IKBKB: variants seen among roughly 807,000 people sequenced by gnomAD.
The protein encoded by IKBKB is inhibitor of nuclear factor kappa-B kinase subunit beta.
IKBKB carries 42 observed loss-of-function variants against 113.6 expected under a neutral mutation model. That is an observed-to-expected ratio of 0.37 (90% CI 0.29 to 0.48). The LOEUF is 0.48. IKBKB is among the 20% of genes least tolerant of loss of function. The pLI is 0.99. For synonymous variants in IKBKB, 296 were observed against 361.3 expected, an observed-to-expected ratio of 0.82 and a Z score of 2.05; for missense variants, 673 against 939.7, an observed-to-expected ratio of 0.72 and a Z score of 3.71.
intron 8 of IKBKB, among the ~76,000 whole-genome samples, chr8:42,312,523 G>A (rs966806830): frequency 1.3e-5 from 2 of 152,198 alleles, no homozygotes; most frequent in Non-Finnish European, 2.9e-5. Context: ...CAGGTAAATA[G>A]TAATTTCCAG....
chr8:42,302,190 A>C (rs948428909), intron 5 of IKBKB, among the ~76,000 whole-genome samples: 1 of 152,164 alleles, frequency 6.6e-6, no homozygotes, highest in Non-Finnish European at 1.5e-5. Context: ...TACTTCATTT[A>C]ATTTATTATG....
intron 11 of IKBKB, chr8:42,317,310 T>C (rs1818887968): frequency 1.2e-5 from 5 of 424,640 alleles, no homozygotes; most frequent in East Asian, 5.0e-5. Context: ...GTGTTAACTA[T>C]AGCTGTGTAA....
At chr8:42,271,810 C>G (rs976445024) in intron 1 of IKBKB, 5 of 527,602 alleles carry the variant, frequency 9.5e-6, no homozygotes, top group Non-Finnish European at 1.7e-5. Context: ...TGGGGATCCC[C>G]TCGCTAGGGC....
chr8:42,280,708 G>A (rs1387526408), intron 2 of IKBKB, among the ~76,000 whole-genome samples: 1 of 152,222 alleles, frequency 6.6e-6, no homozygotes, highest in Non-Finnish European at 1.5e-5. Context: ...ACTTGGCTGT[G>A]AGGAGGGCCA....
At chr8:42,272,334 G>A (rs1460933887) in intron 2 of IKBKB, 129 bp downstream of exon 2, 1 of 1,264,846 alleles carries the variant, frequency 7.9e-7, no homozygotes, top group Admixed American at 2.0e-5. Flanking sequence ...GTGAATAGGG[G>A]GACTGGGAAG....
intron 12 of IKBKB, among the ~76,000 whole-genome samples, chr8:42,318,349 A>G (rs975778206): frequency 6.6e-6 from 1 of 152,208 alleles, no homozygotes; most frequent in African/African-American, 2.4e-5. Flanking sequence ...TCAAATCAAC[A>G]GCTACTTATT....
chr8:42,278,625 G>A (rs973650751), intron 2 of IKBKB, among the ~76,000 whole-genome samples: 3 of 152,294 alleles, frequency 2.0e-5, no homozygotes, highest in Admixed American at 6.5e-5. Context: ...CACTGGCTCC[G>A]TCCCAGTGAT....
chr8:42,296,206 T>A (rs1389085819), intron 5 of IKBKB, among the ~76,000 whole-genome samples: 1 of 152,232 alleles, frequency 6.6e-6, no homozygotes, highest in Non-Finnish European at 1.5e-5. Flanking sequence ...TAAATATTTG[T>A]CAAATGAGAG....
In IKBKB at chr8:42,331,105, C is replaced by T; in HGVS notation, c.*126C>T. The T allele has an allele frequency of 7.0e-7, 1 of 1,433,406 alleles. No individual in the cohort carries two copies. The highest frequency in any genetic ancestry group is 1.2e-5 in the South Asian group (1 of 83,608). 88.8% of individuals were successfully genotyped at this position (1,433,406 alleles called of 1,614,324 possible). A position where few individuals can be genotyped will look rare whatever the true frequency, so the allele number is the denominator to read the frequency against. ...GTGACGTGGGGCTGCCTGGCCGCGG[C>T]TCTCACATGGTGGTTCCTGCTGCAC... On this transcript the variant is annotated 3_prime_UTR_variant, in exon 22 of 22. Coordinates refer to ENST00000520810, the MANE Select transcript of IKBKB (RefSeq NM_001556.3).
chr8:42,273,414 C>G (rs1031807804), intron 2 of IKBKB, among the ~76,000 whole-genome samples: 1 of 128,048 alleles, frequency 7.8e-6, no homozygotes, highest in East Asian at 2.0e-4. Context: ...GACCCTGTCT[C>G]AAAAAATATA....
chr8:42,291,187 A>AT (rs896821881), intron 4 of IKBKB, among the ~76,000 whole-genome samples: 18 of 148,956 alleles, frequency 1.2e-4, no homozygotes, highest in South Asian at 6.4e-4. Context: ...GAACAAAATA[A>AT]TTTTTTTTTT....
At chr8:42,296,988 G>A (rs1814000381) in intron 5 of IKBKB, among the ~76,000 whole-genome samples, 1 of 152,070 alleles carries the variant, frequency 6.6e-6, no homozygotes, top group African/African-American at 2.4e-5. Context: ...TTTGATTTTT[G>A]GCCTCTCCTT....
chr8:42,293,331 A>C (rs1400678600), intron 4 of IKBKB, 112 bp from the exon 5 acceptor site: 2 of 1,348,422 alleles, frequency 1.5e-6, no homozygotes, highest in East Asian at 4.6e-5. Flanking sequence ...GGTCCCCTAA[A>C]GACCAGGGCC....
At chr8:42,314,451 C>T (rs778604169) in intron 9 of IKBKB, 22 bp downstream of exon 9, 55 of 1,382,356 alleles carry the variant, frequency 4.0e-5, no homozygotes, top group East Asian at 6.9e-5. Flanking sequence ...CGGCATTACA[C>T]GAATACATAT....
intron 5 of IKBKB, among the ~76,000 whole-genome samples, chr8:42,301,572 T>C (rs1258269246): frequency 6.6e-6 from 1 of 152,244 alleles, no homozygotes; most frequent in Non-Finnish European, 1.5e-5. Context: ...AAACTATGTG[T>C]AACAATACCT....
intron 2 of IKBKB, among the ~76,000 whole-genome samples, chr8:42,275,858 T>C (rs978726637): frequency 2.0e-5 from 3 of 152,158 alleles, no homozygotes; most frequent in African/African-American, 7.2e-5. Context: ...TCTTTTTTTT[T>C]TGAGACGGAG....
At position 42,320,798 on chromosome 8, in the gene IKBKB, C is replaced by G. The variant is rs752311881; in HGVS notation, c.1642C>G (p.Gln548Glu). 2.5e-6 allele frequency: 4 copies of G among 1,608,716 alleles called. No individual in the cohort carries two copies. ...TCTGCAGACCGACATTGTGGACTTA[C>G]AGAGGAGCCCCATGGGCCGGAAGCA... ...MALQTDIVDL[Q>E]RSPMGRKQGG... Residue 548 changes from glutamine to glutamate, a missense_variant, in exon 16 of 22, where the codon CAG (glutamine) becomes GAG (glutamate). Transcript: ENST00000520810.
chr8:42,284,838 A>C (rs1342485955), intron 2 of IKBKB, among the ~76,000 whole-genome samples: 3 of 150,384 alleles, frequency 2.0e-5, no homozygotes, highest in Non-Finnish European at 4.4e-5. Context: ...CACATCAATT[A>C]AAGAAACGTT....
At chr8:42,329,405 C>T in intron 21 of IKBKB, 191 bp downstream of exon 21, 1 of 1,008,430 alleles carries the variant, frequency 9.9e-7, no homozygotes. Flanking sequence ...TCACTGCAAC[C>T]TCCGCTTCCC....
Sources: gnomAD v4.1 joint callset for allele counts (sites outside exome capture counted in the v4.1 genomes callset) on GRCh38, gnomAD v4.1.1 for gene constraint, MANE v1.5 for transcripts, NCBI Gene and HGNC (gene_info 2026-07-23, HGNC 2026-07-21) for gene names.